The following GALNT10 variants were observed in gnomAD, a reference collection of about 807,000 sequenced individuals.
The protein encoded by GALNT10 is polypeptide N-acetylgalactosaminyltransferase 10, also known as GalNAc transferase 10.
GALNT10 carries 41 observed loss-of-function variants against 75.0 expected under a neutral mutation model. The ratio of observed to expected loss-of-function variants is 0.55; its 90% confidence interval spans 0.43 to 0.71. The LOEUF (loss-of-function observed/expected upper bound fraction) is 0.71, where lower values mean the gene tolerates loss of function less well. Ranked by LOEUF, GALNT10 falls within the 30% of genes least tolerant of loss-of-function variation. The probability of loss-of-function intolerance (pLI) is 0.00; values close to 1 mark genes in which losing one functional copy is unlikely to be tolerated. For missense variants in GALNT10, 727 were observed against 818.5 expected, an observed-to-expected ratio of 0.89 and a Z score of 1.36; for synonymous variants, 302 against 313.0, an observed-to-expected ratio of 0.96 and a Z score of 0.37.
At chr5:154,191,532 G>T (rs755817238) in intron 1 of GALNT10, among the ~76,000 whole-genome samples, 1 of 144,090 alleles carries the variant, frequency 6.9e-6, no homozygotes, top group Non-Finnish European at 1.5e-5. Context: ...AGACACCCGG[G>T]CCTTCCTCCT....
intron 9 of GALNT10, among the ~76,000 whole-genome samples, chr5:154,411,107 A>G (rs1161049243): frequency 1.3e-5 from 2 of 152,104 alleles, no homozygotes; most frequent in African/African-American, 2.4e-5. Flanking sequence ...GGAAAAGGGG[A>G]GCATAAGAGT....
intron 1 of GALNT10, among the ~76,000 whole-genome samples, chr5:154,282,686 C>T (rs1754056184): frequency 6.6e-6 from 1 of 152,162 alleles, no homozygotes; most frequent in African/African-American, 2.4e-5. Flanking sequence ...ATTAAGTTGA[C>T]CTGAAGCCAT....
chr5:154,390,154 G>A (rs777612476), intron 7 of GALNT10, among the ~76,000 whole-genome samples: 7 of 152,224 alleles, frequency 4.6e-5, no homozygotes, highest in South Asian at 2.1e-4. Context: ...GTAAGAGGCC[G>A]TGTTTGCCCA....
At chr5:154,291,367 G>A (rs555037461) in intron 1 of GALNT10, among the ~76,000 whole-genome samples, 6 of 152,248 alleles carry the variant, frequency 3.9e-5, no homozygotes, top group East Asian at 3.9e-4. Flanking sequence ...GCCCAGCAGC[G>A]TCAGCATCAC....
At chr5:154,315,613 T>C (rs1213377456) in intron 3 of GALNT10, among the ~76,000 whole-genome samples, 2 of 152,236 alleles carry the variant, frequency 1.3e-5, no homozygotes, top group Non-Finnish European at 2.9e-5. Context: ...ACAGATTTCT[T>C]GCAAGGCCAT....
At chr5:154,246,047 C>G (rs192525898) in intron 1 of GALNT10, among the ~76,000 whole-genome samples, 3 of 150,988 alleles carry the variant, frequency 2.0e-5, no homozygotes, top group African/African-American at 7.3e-5. Flanking sequence ...CTATGAGTGA[C>G]AACATGCGGT....
At chr5:154,368,817 A>G (rs1032196519) in intron 4 of GALNT10, among the ~76,000 whole-genome samples, 2 of 152,194 alleles carry the variant, frequency 1.3e-5, no homozygotes, top group East Asian at 1.9e-4. Flanking sequence ...TTACCTGTCT[A>G]TAAGTTTTTC....
intron 1 of GALNT10, among the ~76,000 whole-genome samples, chr5:154,233,221 G>C (rs951577615): frequency 6.6e-6 from 1 of 152,128 alleles, no homozygotes; most frequent in African/African-American, 2.4e-5. Flanking sequence ...TGCATCCTGG[G>C]CCTGCTTGGC....
intron 4 of GALNT10, among the ~76,000 whole-genome samples, chr5:154,364,990 T>C (rs1755453933): frequency 6.6e-6 from 1 of 152,236 alleles, no homozygotes; most frequent in Non-Finnish European, 1.5e-5. Flanking sequence ...GTGTTTTTAT[T>C]CGTCGTCTGA....
chr5:154,271,932 T>C (rs182178769), intron 1 of GALNT10, among the ~76,000 whole-genome samples: 12 of 152,358 alleles, frequency 7.9e-5, no homozygotes, highest in Non-Finnish European at 1.6e-4. Flanking sequence ...AATGAGGCCC[T>C]TCACGTATGA....
chr5:154,349,977 A>G (rs1419162775), intron 4 of GALNT10, among the ~76,000 whole-genome samples: 1 of 152,216 alleles, frequency 6.6e-6, no homozygotes, highest in African/African-American at 2.4e-5. Flanking sequence ...TTAGTTCCTC[A>G]GTCACACAAG....
intron 1 of GALNT10, among the ~76,000 whole-genome samples, chr5:154,234,753 G>A (rs1320253013): frequency 1.3e-5 from 2 of 152,222 alleles, no homozygotes; most frequent in African/African-American, 4.8e-5. Flanking sequence ...ATCAGGGCCT[G>A]TGCTTCTTAT....
chr5:154,403,730 A>T (rs772355864), intron 7 of GALNT10: 3 of 310,142 alleles, frequency 9.7e-6, no homozygotes, highest in African/African-American at 2.2e-5. Context: ...AAGTCAGCTA[A>T]AACAGGGTTT....
intron 1 of GALNT10, among the ~76,000 whole-genome samples, chr5:154,207,269 C>T (rs754992277): frequency 2.6e-5 from 4 of 152,220 alleles, no homozygotes; most frequent in Non-Finnish European, 5.9e-5. Flanking sequence ...AGCTACACAG[C>T]AGGCTGAGCC....
In GALNT10 at chr5:154,420,412, C is replaced by G. The variant is rs939141650; in HGVS notation, c.*3440C>G. 2.6e-5 allele frequency: 4 copies of G among 152,176 alleles called. No homozygotes were observed. Among genetic ancestry groups the G allele is most frequent in the Admixed American group, 2.6e-4 (4 of 15,280 alleles). 9.4% of individuals were successfully genotyped at this position (152,176 alleles called of 1,614,324 possible). On this transcript the variant is annotated 3_prime_UTR_variant, in exon 12 of 12. Coordinates refer to ENST00000297107, the MANE Select transcript of GALNT10 (RefSeq NM_198321.4). ...GTCTCTGGAGTCTCAAAAAGAGTGG[C>G]AAAGCACTTTACAGTAGTAACTGAG...
In GALNT10 at chr5:154,298,103, C is replaced by G; in HGVS notation, c.401+24C>G. The G allele has an allele frequency of 6.2e-7, 1 of 1,604,970 alleles. No individual in the cohort carries two copies. Among genetic ancestry groups the G allele is most frequent in the Non-Finnish European group, 8.5e-7 (1 of 1,173,328 alleles). On this transcript the variant is annotated intron_variant, in intron 3 of 11. Transcript: ENST00000297107. The surrounding 1 kb of genome is among the most constrained non-coding windows in gnomAD (Gnocchi z 4.1). ...AAGTGAGTGTAACATCTCTCAAATT[C>G]TGAGATCTAAGGATGTTTCCCTGGC...
At chr5:154,257,249 A>G (rs946172134) in intron 1 of GALNT10, among the ~76,000 whole-genome samples, 1 of 152,198 alleles carries the variant, frequency 6.6e-6, no homozygotes, top group African/African-American at 2.4e-5. Flanking sequence ...CCAGTTGCAG[A>G]GTCCATTTTG....
At chr5:154,343,188 G>A (rs898016753) in intron 4 of GALNT10, among the ~76,000 whole-genome samples, 1 of 152,112 alleles carries the variant, frequency 6.6e-6, no homozygotes, top group African/African-American at 2.4e-5. Context: ...GGATTGTGAT[G>A]CAGCCAGTTC....
At chr5:154,360,668 T>A (rs1755371438) in intron 4 of GALNT10, among the ~76,000 whole-genome samples, 1 of 152,176 alleles carries the variant, frequency 6.6e-6, no homozygotes, top group Non-Finnish European at 1.5e-5. Context: ...CCAACAGTGG[T>A]TACCTATGAG....
Sources: gnomAD v4.1 joint callset for allele counts (sites outside exome capture counted in the v4.1 genomes callset) on GRCh38, gnomAD v4.1.1 for gene constraint, Gnocchi (gnomAD v3.1) non-coding constraint, MANE v1.5 for transcripts, NCBI Gene and HGNC (gene_info 2026-07-23, HGNC 2026-07-21) for gene names.